Variants in H1-8 observed in about 807,000 individuals in gnomAD.
H1-8 encodes the protein H1.8 linker histone.
In H1-8, 13 loss-of-function variants were observed where a neutral mutation model predicts 19.5. That is an observed-to-expected ratio of 0.67 (90% CI 0.43 to 1.06). The LOEUF (loss-of-function observed/expected upper bound fraction) is 1.06, where lower values mean the gene tolerates loss of function less well. Ranked by LOEUF, H1-8 falls within the 50% of genes least tolerant of loss-of-function variation. The pLI is 0.00. For synonymous variants in H1-8, 193 were observed against 187.6 expected (o/e 1.03, Z -0.24); for missense variants, 432 against 459.8 (o/e 0.94, Z 0.55).
At chr3:129,545,311 A>G (rs981305619) in intron 1 of H1-8, among the ~76,000 whole-genome samples, 5 of 152,214 alleles carry the variant, frequency 3.3e-5, no homozygotes, top group African/African-American at 9.6e-5. Flanking sequence ...ATCAGAAATC[A>G]ACATTTCCAT....
rs371904895 is a variant in H1-8 at position 129,549,360 on chromosome 3, C to T, written c.738C>T (p.Ser246=). 1.5e-5 allele frequency: 24 copies of T among 1,589,128 alleles called. No individual in the cohort carries two copies. The Middle Eastern group carries it at 6.3e-4, about 42-fold the overall frequency. Residue 246 remains serine (S), a synonymous_variant, in exon 3 of 5, where the codon AGC becomes AGT. Coordinates refer to ENST00000324382, the MANE Select transcript of H1-8 (RefSeq NM_153833.3). The part of the protein sequence containing the change: ...RKAKAKGSRS[S]QGDAEAYRKT... The stretch of plus-strand genomic sequence containing the variant: ...CAAAGGCCAAAGGCAGCAGGAGCAG[C>T]CAAGGTAGTTGTGTGACTTGTAGGG...
At position 129,547,573 on chromosome 3, in the gene H1-8, C is replaced by A; in HGVS notation, c.271C>A (p.Leu91Ile). The A allele has an allele frequency of 6.4e-7, 1 of 1,567,532 alleles. No individual in the cohort carries two copies. Among genetic ancestry groups the A allele is most frequent in the Non-Finnish European group, 8.6e-7 (1 of 1,156,280 alleles). ...GCACAAGTACCCAACAGTGGACGTCCTCCGCTTCAAGTACCTGCTGAAGCA... is the reference window on the plus strand; with the variant it reads ...GCACAAGTACCCAACAGTGGACGTCATCCGCTTCAAGTACCTGCTGAAGCA... ...ILHKYPTVDVLRFKYLLKQAL... is the reference protein window; with the variant it reads ...ILHKYPTVDVIRFKYLLKQAL... Residue 91 changes from leucine to isoleucine, a missense_variant, in exon 2 of 5, where the codon CTC becomes ATC. Leu to Ile is a conservative substitution (Grantham distance 5). Transcript: ENST00000324382.
chr3:129,550,929 C>A, intron 4 of H1-8, 120 bp downstream of exon 4: 1 of 1,035,540 alleles, frequency 9.7e-7, no homozygotes, highest in Non-Finnish European at 1.5e-6. Flanking sequence ...TCTTTTCCTA[C>A]AAAGCACAGT....
rs780757631 is a variant in H1-8 at position 129,549,288 on chromosome 3, C to T, written c.666C>T (p.Asp222=). 3.1e-6 allele frequency: 5 copies of T among 1,590,126 alleles called. No individual in the cohort carries two copies. Among genetic ancestry groups the T allele is most frequent in the Non-Finnish European group, 4.3e-6 (5 of 1,170,612 alleles). Residue 222 remains aspartate, a synonymous_variant, in exon 3 of 5, where the codon GAC becomes GAT. Transcript: ENST00000324382. ...CTAGGAAGGTGCCCCCCAAGCCAGACAAGGCCATGCGGGCACCTTCCAGTG... is the reference window on the plus strand; with the variant it reads ...CTAGGAAGGTGCCCCCCAAGCCAGATAAGGCCATGCGGGCACCTTCCAGTG... ...GEARKVPPKP[D]KAMRAPSSAG... is the part of the protein sequence containing the mutation.
intron 3 of H1-8, among the ~76,000 whole-genome samples, chr3:129,550,204 A>G (rs1237733067): frequency 6.6e-6 from 1 of 152,000 alleles, no homozygotes; most frequent in South Asian, 2.1e-4. Flanking sequence ...GGAATTAGAG[A>G]CCAATCTGGG....
In H1-8 at chr3:129,547,599, G is replaced by A; in HGVS notation, c.297G>A (p.Gln99=). ...DVLRFKYLLK[Q]ALATGMRRGL... ...TCCGCTTCAAGTACCTGCTGAAGCA[G>A]GCGCTGGCCACTGGCATGCGCCGTG... Residue 99 remains glutamine, a synonymous_variant, in exon 2 of 5, where the codon CAG becomes CAA. Coordinates refer to ENST00000324382, the MANE Select transcript of H1-8 (RefSeq NM_153833.3). The A allele has an allele frequency of 6.4e-7, 1 of 1,555,554 alleles. No homozygotes were observed. The highest frequency in any genetic ancestry group is 8.7e-7 in the Non-Finnish European group (1 of 1,150,066).
Position 129,547,492 on chromosome 3 carries a change from C to A in H1-8, c.190C>A (p.Gln64Lys), listed in dbSNP as rs963687759. 6 of 1,560,570 alleles carry A rather than the reference C, an allele frequency of 3.8e-6. No homozygotes were observed. In the Admixed American group the frequency reaches 9.5e-5, roughly 25 times the overall value. ...PVLRMVLEAL[Q>K]AGEQRRGTSV... is the part of the protein sequence containing the mutation. ...GCTACGCATGGTGCTGGAGGCGCTGCAGGCTGGGGAGCAGCGCCGGGGCAC... is the reference window on the plus strand; with the variant it reads ...GCTACGCATGGTGCTGGAGGCGCTGAAGGCTGGGGAGCAGCGCCGGGGCAC... Residue 64 changes from glutamine (Q) to lysine (K), a missense_variant, in exon 2 of 5, where the codon CAG becomes AAG. Physicochemically the swap from Gln to Lys is moderately conservative, Grantham distance 53. Transcript: ENST00000324382.
chr3:129,550,875 C>A (rs1460573321), intron 4 of H1-8, 66 bp downstream of exon 4: 1 of 1,406,384 alleles, frequency 7.1e-7, no homozygotes, highest in African/African-American at 1.4e-5. Context: ...TTGGGCATCC[C>A]ACACTCAGCC....
chr3:129,547,509 C>T lies in H1-8; in HGVS notation c.207C>T (p.Arg69=), dbSNP rs1281590766. 1 of 1,569,748 alleles carries T rather than the reference C, an allele frequency of 6.4e-7. No individual in the cohort carries two copies. Among genetic ancestry groups the T allele is most frequent in the Non-Finnish European group, 8.6e-7 (1 of 1,157,776 alleles). The change falls in exon 2 of 5, where the codon CGC becomes CGT. Residue 69 remains arginine, a synonymous_variant. Transcript: ENST00000324382. ...AGGCGCTGCAGGCTGGGGAGCAGCG[C>T]CGGGGCACGTCGGTGGCAGCTATCA... is the stretch of plus-strand genomic sequence containing the variant. ...VLEALQAGEQ[R]RGTSVAAIKL...
At chr3:129,546,855 G>A (rs1418940019) in intron 1 of H1-8, among the ~76,000 whole-genome samples, 1 of 152,104 alleles carries the variant, frequency 6.6e-6, no homozygotes, top group Admixed American at 6.5e-5. Flanking sequence ...CCACAGTTAC[G>A]AAATTCACCC....
At position 129,551,134 on chromosome 3, in the gene H1-8, A is replaced by T; in HGVS notation, c.835A>T (p.Lys279Ter). The T allele has an allele frequency of 6.2e-7, 1 of 1,613,890 alleles. No individual in the cohort carries two copies. The highest frequency in any genetic ancestry group is 8.5e-7 in the Non-Finnish European group (1 of 1,179,964). ...KVKNGAASPT[K>*]KKVVAKAKAP... is the part of the protein sequence containing the mutation. Reference sequence around the variant, plus strand: ...CAAGAATGGTGCTGCTTCCCCGACCAAAAAGAAGGTGGTGGCCAAGGCCAA... The same window carrying T: ...CAAGAATGGTGCTGCTTCCCCGACCTAAAAGAAGGTGGTGGCCAAGGCCAA... The change falls in exon 5 of 5, where the codon AAA becomes TAA. Residue 279 changes from lysine (K) to a stop codon, truncating the protein, a stop_gained. Transcript: ENST00000324382. LOFTEE classifies it low-confidence loss of function (END_TRUNC).
In H1-8 at chr3:129,549,258, A is replaced by G; in HGVS notation, c.636A>G (p.Gly212=). The part of the protein sequence containing the change: ...GAAKDTRAQS[G]EARKVPPKPD... ...CCAAGGACACCAGGGCACAGTCGGG[A>G]GAGGCTAGGAAGGTGCCCCCCAAGC... Residue 212 remains glycine (G), a synonymous_variant, in exon 3 of 5, where the codon GGA becomes GGG. Coordinates refer to ENST00000324382, the MANE Select transcript of H1-8 (RefSeq NM_153833.3). The G allele has an allele frequency of 1.3e-6, 2 of 1,571,868 alleles. No homozygotes were observed. Among genetic ancestry groups the G allele is most frequent in the Non-Finnish European group, 1.7e-6 (2 of 1,160,696 alleles).
rs775959111 is a variant in H1-8 at position 129,547,464 on chromosome 3, G to C, written c.162G>C (p.Pro54=). ...SSLPVGRRHP[P]VLRMVLEALQ... Reference sequence around the variant, plus strand: ...TCCCGGTGGGACGCCGCCACCCCCCGGTGCTACGCATGGTGCTGGAGGCGC... The same window carrying C: ...TCCCGGTGGGACGCCGCCACCCCCCCGTGCTACGCATGGTGCTGGAGGCGC... Residue 54 remains proline, a synonymous_variant, in exon 2 of 5, where the codon CCG becomes CCC. Coordinates refer to ENST00000324382, the MANE Select transcript of H1-8 (RefSeq NM_153833.3). 1.4e-6 allele frequency: 2 copies of C among 1,403,280 alleles called. No individual in the cohort carries two copies. Among genetic ancestry groups the C allele is most frequent in the Non-Finnish European group, 1.9e-6 (2 of 1,055,692 alleles). 86.9% of individuals were successfully genotyped at this position (1,403,280 alleles called of 1,614,324 possible).
chr3:129,548,978 C>A, intron 2 of H1-8, 23 bp from the exon 3 acceptor site: 4 of 1,577,542 alleles, frequency 2.5e-6, no homozygotes, highest in Non-Finnish European at 3.4e-6. Context: ...CTGCTTTCAG[C>A]CCCACCCCGT....
rs573287787 is a variant in H1-8 at position 129,549,283 on chromosome 3, C to T, written c.661C>T (p.Pro221Ser). The part of the protein sequence containing the change: ...SGEARKVPPK[P>S]DKAMRAPSSA... ...AGAGGCTAGGAAGGTGCCCCCCAAG[C>T]CAGACAAGGCCATGCGGGCACCTTC... The change falls in exon 3 of 5, where the codon CCA becomes TCA. Residue 221 changes from proline (P) to serine (S), a missense_variant. Pro to Ser is a moderately conservative substitution (Grantham distance 74). Coordinates refer to ENST00000324382, the MANE Select transcript of H1-8 (RefSeq NM_153833.3). 12 of 1,583,924 alleles carry T rather than the reference C, an allele frequency of 7.6e-6. No individual in the cohort carries two copies. In the South Asian group the frequency reaches 1.4e-4, roughly 18 times the overall value.
rs1363465724 is a variant in H1-8, at chr3:129,549,244, A to G, written c.622A>G (p.Arg208Gly). The change falls in exon 3 of 5, where the codon AGG becomes GGG. Residue 208 changes from arginine (R) to glycine (G), a missense_variant. Physicochemically the swap from Arg to Gly is moderately radical, Grantham distance 125 (BLOSUM62 -2). Transcript: ENST00000324382. ...GCAAGGCGGCGCGGCCAAGGACACC[A>G]GGGCACAGTCGGGAGAGGCTAGGAA... ...RKQGGAAKDTRAQSGEARKVP... is the reference protein window; with the variant it reads ...RKQGGAAKDTGAQSGEARKVP... The G allele has an allele frequency of 6.3e-7, 1 of 1,591,172 alleles. No homozygotes were observed. The highest frequency in any genetic ancestry group is 8.5e-7 in the Non-Finnish European group (1 of 1,169,796).
intron 2 of H1-8, among the ~76,000 whole-genome samples, chr3:129,548,086 G>C (rs1358777472): frequency 6.6e-6 from 1 of 152,122 alleles, no homozygotes; most frequent in Admixed American, 6.5e-5. Flanking sequence ...CTCCAAAAGG[G>C]GACCCATGCC....
At chr3:129,549,903 G>A (rs1025869059) in intron 3 of H1-8, among the ~76,000 whole-genome samples, 3 of 152,060 alleles carry the variant, frequency 2.0e-5, no homozygotes, top group Admixed American at 2.0e-4. Context: ...ACAGTGAGCC[G>A]AGATCGCACC....
In H1-8 at chr3:129,547,409, T is replaced by C. The variant is rs2084896922; in HGVS notation, c.107T>C (p.Val36Ala). The change falls in exon 2 of 5, where the codon GTC (valine) becomes GCC (alanine). Residue 36 changes from valine (V) to alanine (A), a missense_variant. By Grantham distance (64) the Val-to-Ala change is moderately conservative. Transcript: ENST00000324382. ...SEKPGPSHGG[V>A]PPGGPSHSSL... ...TCCTCAGGCCCGAGCCACGGCGGTGTCCCACCAGGAGGCCCGAGCCACAGC... is the reference window on the plus strand; with the variant it reads ...TCCTCAGGCCCGAGCCACGGCGGTGCCCCACCAGGAGGCCCGAGCCACAGC... The C allele has an allele frequency of 3.5e-6, 5 of 1,414,914 alleles. No individual in the cohort carries two copies. Among genetic ancestry groups the C allele is most frequent in the Non-Finnish European group, 2.8e-6 (3 of 1,073,918 alleles). 87.6% of individuals were successfully genotyped at this position (1,414,914 alleles called of 1,614,324 possible). A position where few individuals can be genotyped will look rare whatever the true frequency, so the allele number is the denominator to read the frequency against.
Sources: gnomAD v4.1 joint callset for allele counts (sites outside exome capture counted in the v4.1 genomes callset) on GRCh38, gnomAD v4.1.1 for gene constraint, MANE v1.5 for transcripts, NCBI Gene and HGNC (gene_info 2026-07-23, HGNC 2026-07-21) for gene names.